SLC25A33: variants seen among roughly 807,000 people sequenced by gnomAD.
The protein encoded by SLC25A33 is bone marrow stromal cell mitochondrial carrier protein.
In SLC25A33, 15 loss-of-function variants were observed where a neutral mutation model predicts 35.5. The ratio of observed to expected loss-of-function variants is 0.42; its 90% CI spans 0.28 to 0.65. The LOEUF (loss-of-function observed/expected upper bound fraction) is 0.65, where lower values mean the gene tolerates loss of function less well. Among genes scored for constraint, SLC25A33 ranks in the 30% least tolerant of loss-of-function variants. The pLI is 0.20. For missense variants in SLC25A33, 257 were observed against 398.5 expected, an observed-to-expected ratio of 0.64 and a Z score of 3.02; for synonymous variants, 136 against 148.7, an observed-to-expected ratio of 0.91 and a Z score of 0.62.
At position 9,579,999 on chromosome 1, in the gene SLC25A33, C is replaced by T. The variant is rs774187446; in HGVS notation, c.528C>T (p.Tyr176=). The part of the protein sequence containing the change: ...KQMNTLQCAR[Y]VYQTEGIRGF... Reference sequence around the variant, plus strand: ...TGAATACACTCCAGTGTGCTCGTTACGTTTACCAGACCGAAGGCATTCGTG... The same window carrying T: ...TGAATACACTCCAGTGTGCTCGTTATGTTTACCAGACCGAAGGCATTCGTG... The change falls in exon 6 of 7, where the codon TAC becomes TAT. Residue 176 remains tyrosine, a synonymous_variant. Coordinates refer to ENST00000302692, the MANE Select transcript of SLC25A33 (RefSeq NM_032315.3). The T allele has an allele frequency of 2.7e-5, 43 of 1,613,210 alleles. No individual in the cohort carries two copies. Among genetic ancestry groups the T allele is most frequent in the South Asian group, 1.3e-4 (12 of 90,970 alleles).
chr1:9,576,301 A>C (rs1643660339), intron 5 of SLC25A33: 1 of 260,520 alleles, frequency 3.8e-6, no homozygotes, highest in African/African-American at 2.3e-5. Flanking sequence ...GTGCCACTAG[A>C]CCTTCAAGAG....
chr1:9,549,915 G>A lies in SLC25A33; in HGVS notation c.57-3711G>A, dbSNP rs556960836. 9.2e-3 allele frequency among the ~76,000 whole-genome samples: 1,260 copies of A among 136,838 alleles called. 17 individuals are homozygous for A. The highest frequency in any genetic ancestry group is 0.032 in the African/African-American group (1,194 of 37,448). 89.8% of individuals were successfully genotyped at this position (136,838 alleles called of 152,430 possible). A position where few individuals can be genotyped will look rare whatever the true frequency, so the allele number is the denominator to read the frequency against. ...TGGGATTACAGGTGTGAGCCGCCAC[G>A]CCCAACATATATATATATATATTTC... is the stretch of plus-strand genomic sequence containing the variant. On this transcript the variant is annotated intron_variant, in intron 1 of 6. Coordinates refer to ENST00000302692, the MANE Select transcript of SLC25A33 (RefSeq NM_032315.3).
chr1:9,549,769 C>A (rs553268718), intron 1 of SLC25A33, among the ~76,000 whole-genome samples: 158 of 150,744 alleles, frequency 1.0e-3, no homozygotes, highest in African/African-American at 3.6e-3. Context: ...TACAGGCACC[C>A]GCCACCACAC....
Position 9,578,245 on chromosome 1 carries a change from C to T in SLC25A33, c.483-1709C>T, listed in dbSNP as rs1474961229. Among the ~76,000 whole-genome samples the T allele has an allele frequency of 6.6e-6, 1 of 152,056 alleles. No homozygotes were observed. The highest frequency in any genetic ancestry group is 2.4e-5 in the African/African-American group (1 of 41,390). ...TGGATGGTTTTAAGCACGGGAGTTG[C>T]ATGGTTGGATTTGTGTTAGAAAGGT... On this transcript the variant is annotated intron_variant, in intron 5 of 6. Coordinates refer to ENST00000302692, the MANE Select transcript of SLC25A33 (RefSeq NM_032315.3). This position sits in a 1 kb window ranked among gnomAD's most constrained non-coding sequence, Gnocchi z 4.3.
chr1:9,563,692 A>G (rs1034756248), intron 2 of SLC25A33, among the ~76,000 whole-genome samples: 5 of 152,214 alleles, frequency 3.3e-5, no homozygotes, highest in Non-Finnish European at 2.9e-5. Context: ...TTATAATGAA[A>G]GTAAAACATT....
intron 2 of SLC25A33, among the ~76,000 whole-genome samples, chr1:9,560,760 C>CTT (rs57353837): frequency 2.7e-4 from 40 of 146,438 alleles, no homozygotes; most frequent in African/African-American, 7.9e-4. Flanking sequence ...TCGAACCTAT[C>CTT]TTTTTTTTTT....
chr1:9,555,944 C>T (rs1041724008), intron 2 of SLC25A33, among the ~76,000 whole-genome samples: 1 of 152,142 alleles, frequency 6.6e-6, no homozygotes, highest in African/African-American at 2.4e-5. Flanking sequence ...CTTGGCCTCC[C>T]GAAGTACTGG....
At chr1:9,560,123 G>A (rs1380503281) in intron 2 of SLC25A33, among the ~76,000 whole-genome samples, 6 of 151,770 alleles carry the variant, frequency 4.0e-5, no homozygotes, top group African/African-American at 1.5e-4. Flanking sequence ...ATGGCAGCAC[G>A]TGCCTGTAAT....
intron 1 of SLC25A33, among the ~76,000 whole-genome samples, chr1:9,549,910 G>A (rs944802789): frequency 1.5e-4 from 21 of 140,148 alleles, no homozygotes; most frequent in African/African-American, 5.0e-4. Context: ...GGTGTGAGCC[G>A]CCACGCCCAA....
intron 1 of SLC25A33, among the ~76,000 whole-genome samples, chr1:9,550,011 AT>A (rs70979761): frequency 0.019 from 919 of 48,684 alleles, 33 homozygotes; most frequent in African/African-American, 0.059. Flanking sequence ...ATATATATAT[AT>A]TTTTTTTTTT....
Position 9,579,836 on chromosome 1 carries a change from C to G in SLC25A33, c.483-118C>G, listed in dbSNP as rs984915917. ...GACAAGGGCTATGAGAGTTAGGAGC[C>G]AGGAAACAAGTATCCTAACACCATA... On this transcript the variant is annotated intron_variant, in intron 5 of 6. Transcript: ENST00000302692. 3 of 1,201,736 alleles carry G rather than the reference C, an allele frequency of 2.5e-6. No individual in the cohort carries two copies. The African/African-American group carries it at 4.6e-5, about 18-fold the overall frequency. 74.4% of individuals were successfully genotyped at this position (1,201,736 alleles called of 1,614,324 possible). A position where few individuals can be genotyped will look rare whatever the true frequency, so the allele number is the denominator to read the frequency against.
chr1:9,580,303 A>C, intron 6 of SLC25A33, 69 bp downstream of exon 6: 1 of 1,562,510 alleles, frequency 6.4e-7, no homozygotes, highest in Middle Eastern at 1.7e-4. Flanking sequence ...GGGTATATCT[A>C]GACTTCTGAG....
intron 1 of SLC25A33, among the ~76,000 whole-genome samples, chr1:9,546,001 G>A (rs368511923): frequency 3.3e-5 from 5 of 151,318 alleles, no homozygotes; most frequent in African/African-American, 1.2e-4. Flanking sequence ...AAACAGAAAA[G>A]GTGCAGAAAA....
intron 3 of SLC25A33, among the ~76,000 whole-genome samples, chr1:9,568,855 A>T (rs1297510143): frequency 7.9e-5 from 12 of 151,706 alleles, no homozygotes; most frequent in African/African-American, 2.7e-4. Flanking sequence ...CAAAAAAAAA[A>T]AGAGAAAATG....
rs115269038 is a variant in SLC25A33, at chr1:9,540,991, T to C, written c.56+1244T>C. On this transcript the variant is annotated intron_variant, in intron 1 of 6. Transcript: ENST00000302692. ...CATGTCTCCATTGAGACTTCCTTTT[T>C]TTTTTTGAGAGGGAGTCTTCCTCTG... Among the ~76,000 whole-genome samples the C allele has an allele frequency of 4.3e-3, 647 of 152,174 alleles. 5 individuals are homozygous for C. Among genetic ancestry groups the C allele is most frequent in the African/African-American group, 0.015 (621 of 41,532 alleles).
chr1:9,565,810 G>A (rs1201941729), intron 2 of SLC25A33, among the ~76,000 whole-genome samples: 2 of 151,370 alleles, frequency 1.3e-5, no homozygotes, highest in Non-Finnish European at 2.9e-5. Flanking sequence ...CCTGGGAGGC[G>A]GAGCTTGCAG....
intron 2 of SLC25A33, among the ~76,000 whole-genome samples, chr1:9,565,877 C>CAAA (rs528314170): frequency 1.1e-5 from 1 of 88,560 alleles, no homozygotes; most frequent in Non-Finnish European, 2.4e-5. Context: ...GACTCTGTCT[C>CAAA]AAAAAAAAAA....
At chr1:9,539,870 C>T (rs963698985) in intron 1 of SLC25A33, 123 bp downstream of exon 1, 2 of 930,754 alleles carry the variant, frequency 2.1e-6, no homozygotes, top group Non-Finnish European at 1.4e-6. Flanking sequence ...CGCCGGCGCT[C>T]GGGAGGAGGA....
chr1:9,568,435 C>CTCCAT (rs1456336404), intron 3 of SLC25A33, among the ~76,000 whole-genome samples: 4 of 151,952 alleles, frequency 2.6e-5, no homozygotes, highest in Non-Finnish European at 5.9e-5. Flanking sequence ...AAGAGTGAAA[C>CTCCAT]TCCATCTCAA....
Sources: gnomAD v4.1 joint callset for allele counts (sites outside exome capture counted in the v4.1 genomes callset) on GRCh38, gnomAD v4.1.1 for gene constraint, Gnocchi (gnomAD v3.1) non-coding constraint, MANE v1.5 for transcripts, NCBI Gene and HGNC (gene_info 2026-07-23, HGNC 2026-07-21) for gene names.